SLIT2: variants seen among roughly 807,000 people sequenced by gnomAD.
SLIT2 encodes the protein slit guidance ligand 2.
In SLIT2, 41 loss-of-function variants were observed where a neutral mutation model predicts 185.7. The ratio of observed to expected loss-of-function variants is 0.22; its 90% CI spans 0.17 to 0.29. The LOEUF is 0.29. Among genes scored for constraint, SLIT2 ranks in the 10% least tolerant of loss-of-function variants. The pLI is 1.00. For missense variants in SLIT2, 1,571 were observed against 1,909.0 expected, an observed-to-expected ratio of 0.82 and a Z score of 3.30; for synonymous variants, 693 against 680.2, an observed-to-expected ratio of 1.02 and a Z score of -0.29.
At chr4:20,286,896 G>A (rs534267267) in intron 4 of SLIT2, among the ~76,000 whole-genome samples, 6 of 152,162 alleles carry the variant, frequency 3.9e-5, no homozygotes, top group East Asian at 1.9e-4. Context: ...ATTTTTCCAC[G>A]CATTACACTC....
At position 20,346,644 on chromosome 4, in the gene SLIT2, C is replaced by T. The variant is rs113591719; in HGVS notation, c.395+77763C>T. ...GTCCCATGATAGGCTGTCTGCAAGT[C>T]GAGAAGCAAGGAAGCCAGTGGTGGA... On this transcript the variant is annotated intron_variant, in intron 4 of 36. Transcript: ENST00000504154. 3.3e-5 allele frequency among the ~76,000 whole-genome samples: 5 copies of T among 152,230 alleles called. No homozygotes were observed. The South Asian group carries it at 6.2e-4, about 19-fold the overall frequency.
intron 6 of SLIT2, among the ~76,000 whole-genome samples, chr4:20,481,088 G>A (rs1716651804): frequency 6.8e-6 from 1 of 148,070 alleles, no homozygotes; most frequent in African/African-American, 2.5e-5. Context: ...AACTTTATAG[G>A]AAAAATAACA....
chr4:20,274,136 A>C (rs982277653), intron 4 of SLIT2, among the ~76,000 whole-genome samples: 8 of 152,230 alleles, frequency 5.3e-5, no homozygotes, highest in African/African-American at 1.9e-4. Context: ...TCTGAATTAT[A>C]TACTGATACT....
chr4:20,401,525 AC>A (rs756033425), intron 4 of SLIT2, among the ~76,000 whole-genome samples: 2 of 151,700 alleles, frequency 1.3e-5, no homozygotes, highest in Non-Finnish European at 2.9e-5. Context: ...GCTGATTCTG[AC>A]CCCTTCATCC....
intron 26 of SLIT2, 114 bp from the exon 27 acceptor site, chr4:20,567,148 G>A: frequency 1.1e-6 from 1 of 921,430 alleles, no homozygotes; most frequent in Non-Finnish European, 1.7e-6. Flanking sequence ...GACACATATA[G>A]ATATGTGACC....
chr4:20,539,220 C>T (rs1037101029), intron 18 of SLIT2, among the ~76,000 whole-genome samples: 1 of 152,176 alleles, frequency 6.6e-6, no homozygotes, highest in African/African-American at 2.4e-5. Flanking sequence ...CTAGACTCAC[C>T]GTGCCTTTTG....
intron 4 of SLIT2, among the ~76,000 whole-genome samples, chr4:20,461,382 A>G (rs773142123): frequency 4.1e-4 from 63 of 152,290 alleles, no homozygotes; most frequent in Non-Finnish European, 7.2e-4. Context: ...AAATAGAGAG[A>G]ATGAAAGAAA....
At chr4:20,478,018 C>T (rs1471675340) in intron 5 of SLIT2, among the ~76,000 whole-genome samples, 1 of 152,124 alleles carries the variant, frequency 6.6e-6, no homozygotes, top group African/African-American at 2.4e-5. Flanking sequence ...CTAAGTAGTC[C>T]AGAAACCCTG....
chr4:20,553,773 G>A, intron 25 of SLIT2, 32 bp from the exon 26 acceptor site: 2 of 1,530,554 alleles, frequency 1.3e-6, no homozygotes, highest in Admixed American at 2.2e-5. Context: ...GTGTGTGTAT[G>A]TGTGTGTGCT....
intron 4 of SLIT2, among the ~76,000 whole-genome samples, chr4:20,350,811 T>A (rs1450447080): frequency 6.6e-6 from 1 of 152,040 alleles, no homozygotes. Context: ...GGGCAAGAAG[T>A]AAGACCCCAT....
At chr4:20,268,694 T>C (rs775424029) in intron 3 of SLIT2, 116 bp from the exon 4 acceptor site, 2 of 757,016 alleles carry the variant, frequency 2.6e-6, no homozygotes, top group South Asian at 2.9e-5. Flanking sequence ...TGAATTCTCC[T>C]GAATGTCATT....
At chr4:20,560,508 G>A (rs1724609624) in intron 26 of SLIT2, among the ~76,000 whole-genome samples, 2 of 151,788 alleles carry the variant, frequency 1.3e-5, no homozygotes, top group African/African-American at 4.8e-5. Context: ...TAACCCAAAT[G>A]TCCTGACCTC....
At chr4:20,374,206 A>T (rs968544184) in intron 4 of SLIT2, among the ~76,000 whole-genome samples, 1 of 152,100 alleles carries the variant, frequency 6.6e-6, no homozygotes, top group Non-Finnish European at 1.5e-5. Context: ...GTCTGGAGGA[A>T]TGAACACCAG....
At chr4:20,272,436 A>G (rs1024318817) in intron 4 of SLIT2, among the ~76,000 whole-genome samples, 1 of 152,084 alleles carries the variant, frequency 6.6e-6, no homozygotes, top group African/African-American at 2.4e-5. Flanking sequence ...AAGAGATTGC[A>G]GGGAATTTTG....
At chr4:20,462,055 A>G (rs13108491) in intron 4 of SLIT2, among the ~76,000 whole-genome samples, 25,631 of 152,056 alleles carry the variant, frequency 0.17, 2,299 homozygotes, top group Middle Eastern at 0.26. Flanking sequence ...ATGGTAATCT[A>G]CATGGTTTCT....
At chr4:20,612,258 A>G (rs1296033382) in intron 34 of SLIT2, among the ~76,000 whole-genome samples, 1 of 151,760 alleles carries the variant, frequency 6.6e-6, no homozygotes, top group African/African-American at 2.4e-5. Context: ...AAAAAAAAAA[A>G]AAAAGAATAC....
At chr4:20,268,761 G>T (rs762232550) in intron 3 of SLIT2, 49 bp from the exon 4 acceptor site, 19 of 1,136,098 alleles carry the variant, frequency 1.7e-5, no homozygotes, top group South Asian at 7.4e-5. Flanking sequence ...CAGTCTCATT[G>T]TTGGGTATTT....
intron 4 of SLIT2, among the ~76,000 whole-genome samples, chr4:20,363,358 G>C (rs1026704017): frequency 6.6e-6 from 1 of 152,090 alleles, no homozygotes; most frequent in African/African-American, 2.4e-5. Flanking sequence ...AACTATAGTA[G>C]TGTTTCTGCA....
At chr4:20,518,587 A>ATATATATATATATATATC (rs1560495126) in intron 11 of SLIT2, among the ~76,000 whole-genome samples, 1 of 17,862 alleles carries the variant, frequency 5.6e-5, no homozygotes, top group Non-Finnish European at 9.0e-5. Context: ...ATATATATAT[A>ATATATATATATATATATC]TTTTTTTTTT....
Sources: gnomAD v4.1 joint callset for allele counts (sites outside exome capture counted in the v4.1 genomes callset) on GRCh38, gnomAD v4.1.1 for gene constraint, MANE v1.5 for transcripts, NCBI Gene and HGNC (gene_info 2026-07-23, HGNC 2026-07-21) for gene names.